PAH: variants seen among roughly 807,000 people sequenced by gnomAD.
The protein encoded by PAH is phenylalanine hydroxylase, also known as phenylalanine-4-hydroxylase.
PAH carries 64 observed loss-of-function variants against 62.0 expected under a neutral mutation model. The observed-to-expected ratio is 1.03, with a 90% confidence interval of 0.84 to 1.27. The LOEUF is 1.27. Ranked by LOEUF, PAH falls within the 50% of genes most tolerant of loss-of-function variation. PAH has a pLI of 0.00. For missense variants in PAH, 579 were observed against 542.8 expected (o/e 1.07, Z -0.66); for synonymous variants, 195 against 196.2 (o/e 0.99, Z 0.05).
intron 3 of PAH, among the ~76,000 whole-genome samples, chr12:102,880,517 C>T (rs1024307226): frequency 2.0e-5 from 3 of 152,336 alleles, no homozygotes; most frequent in East Asian, 1.9e-4. Flanking sequence ...TTCATCATCT[C>T]TCTTTTGCCT....
intron 3 of PAH, among the ~76,000 whole-genome samples, chr12:102,891,418 C>T (rs1192434554): frequency 2.0e-5 from 3 of 152,176 alleles, no homozygotes; most frequent in Non-Finnish European, 4.4e-5. Context: ...GCTGCATGAC[C>T]TCTCAGGTCA....
chr12:102,912,915 A>G lies in PAH; in HGVS notation c.61-17T>C, dbSNP rs1878260483. On this transcript the variant is annotated splice_polypyrimidine_tract_variant and intron_variant, in intron 1 of 12. Coordinates refer to ENST00000553106, the MANE Select transcript of PAH (RefSeq NM_000277.3). ...GCTTGTTTCCTACAGGATAAGATGCATTTGTTTAAAACATTTTCCACAGTT... is the reference window on the plus strand; with the variant it reads ...GCTTGTTTCCTACAGGATAAGATGCGTTTGTTTAAAACATTTTCCACAGTT... 4 of 1,534,536 alleles carry G rather than the reference A, an allele frequency of 2.6e-6. No individual in the cohort carries two copies. In the East Asian group the frequency reaches 9.0e-5, roughly 35 times the overall value.
intron 3 of PAH, among the ~76,000 whole-genome samples, chr12:102,880,345 T>C (rs1876764446): frequency 6.6e-6 from 1 of 152,202 alleles, no homozygotes; most frequent in South Asian, 2.1e-4. Flanking sequence ...CACCCAGGGC[T>C]CAGCATCTTC....
intron 7 of PAH, among the ~76,000 whole-genome samples, chr12:102,852,465 C>T (rs185339865): frequency 3.9e-5 from 6 of 152,322 alleles, no homozygotes; most frequent in Admixed American, 2.6e-4. Flanking sequence ...TAAGAGTAAT[C>T]TAGATGTATA....
intron 1 of PAH, among the ~76,000 whole-genome samples, chr12:102,927,104 C>T (rs931708616): frequency 1.1e-4 from 16 of 151,914 alleles, no homozygotes; most frequent in Non-Finnish European, 1.9e-4. Context: ...CACTTAGGGG[C>T]AGAGAAGGCT....
upstream of PAH, among the ~76,000 whole-genome samples, chr12:102,920,303 C>T (rs531472020): frequency 6.6e-6 from 1 of 152,254 alleles, no homozygotes; most frequent in Non-Finnish European, 1.5e-5. Context: ...GAGAGCAGTG[C>T]TGGGTGCTAA....
chr12:102,929,374 G>A (rs1180569897), intron 1 of PAH, among the ~76,000 whole-genome samples: 3 of 152,256 alleles, frequency 2.0e-5, no homozygotes, highest in Non-Finnish European at 2.9e-5. Context: ...GAGCAAAGTA[G>A]AAATATCTAG....
Position 102,917,155 on chromosome 12 carries a change from C to T in PAH, c.-25G>A. On this transcript the variant is annotated 5_prime_UTR_variant, in exon 1 of 13. Transcript: ENST00000553106. ...TGCTGGCTCCCCGGGAGTGAGGTCTCTGGCTTTTTAGGGCCTCAGGTACAG... is the reference window on the plus strand; with the variant it reads ...TGCTGGCTCCCCGGGAGTGAGGTCTTTGGCTTTTTAGGGCCTCAGGTACAG... 6.2e-7 allele frequency: 1 copy of T among 1,613,488 alleles called. No individual in the cohort carries two copies.
chr12:102,893,028 T>C lies in PAH; in HGVS notation c.352+1707A>G, dbSNP rs578161970. On this transcript the variant is annotated intron_variant, in intron 3 of 12. Coordinates refer to ENST00000553106, the MANE Select transcript of PAH (RefSeq NM_000277.3). ...AATGCAAGATGTTAATAGAAGAAAC[T>C]GAGGTAGGGATGAAAGACCTGGGAA... Among the ~76,000 whole-genome samples, 23 of 152,288 alleles carry C rather than the reference T, an allele frequency of 1.5e-4. No homozygotes were observed. In the South Asian group the frequency reaches 3.1e-3, roughly 21 times the overall value.
intron 1 of PAH, chr12:102,950,002 C>A (rs561593457): frequency 1.3e-5 from 2 of 152,292 alleles, no homozygotes; most frequent in East Asian, 3.9e-4. Flanking sequence ...TAGATCTGAA[C>A]AGTATTTTCT....
chr12:102,951,857 T>C (rs1033123998), upstream of PAH, among the ~76,000 whole-genome samples: 18 of 152,144 alleles, frequency 1.2e-4, 1 homozygote, highest in African/African-American at 4.3e-4. Flanking sequence ...ATTTTATCTT[T>C]ATTCCTTCTC....
chr12:102,879,293 G>A (rs1479956155), intron 3 of PAH, among the ~76,000 whole-genome samples: 3 of 151,900 alleles, frequency 2.0e-5, no homozygotes, highest in Non-Finnish European at 2.9e-5. Flanking sequence ...AAAGGGCGCC[G>A]CTCAGCGTCT....
At chr12:102,936,064 G>A in intron 1 of PAH, among the ~76,000 whole-genome samples, 1 of 151,698 alleles carries the variant, frequency 6.6e-6, no homozygotes, top group East Asian at 1.9e-4. Flanking sequence ...GTAACCCAAA[G>A]GTTTTGCTTT....
chr12:102,845,979 G>T (rs1874824519), intron 9 of PAH, among the ~76,000 whole-genome samples: 1 of 152,138 alleles, frequency 6.6e-6, no homozygotes, highest in Admixed American at 6.6e-5. Context: ...ATTCTATCTA[G>T]CTCTGTAACT....
At chr12:102,897,664 G>A (rs1877569621) in intron 2 of PAH, among the ~76,000 whole-genome samples, 1 of 152,190 alleles carries the variant, frequency 6.6e-6, no homozygotes, top group East Asian at 1.9e-4. Flanking sequence ...CTTTCTCAAA[G>A]GCAATAACTG....
chr12:102,941,832 A>G (rs1003406019), intron 1 of PAH, among the ~76,000 whole-genome samples: 1 of 152,182 alleles, frequency 6.6e-6, no homozygotes, highest in Non-Finnish European at 1.5e-5. Flanking sequence ...CAAAAACCAC[A>G]TGATCTTCTC....
intron 2 of PAH, among the ~76,000 whole-genome samples, chr12:102,908,566 A>T (rs1264677491): frequency 6.6e-6 from 1 of 152,132 alleles, no homozygotes; most frequent in East Asian, 1.9e-4. Context: ...TTAATTTTTT[A>T]AGGCAGTTTT....
chr12:102,854,194 T>C (rs958445495), intron 6 of PAH, among the ~76,000 whole-genome samples: 5 of 152,086 alleles, frequency 3.3e-5, no homozygotes, highest in Admixed American at 2.6e-4. Flanking sequence ...ACCCAAAAGG[T>C]CATCTAACTC....
exon 1 of PAH, chr12:102,958,355 CGCGGCGGCCGCAGCCGCCGCA>C (rs895519853): frequency 5.6e-6 from 8 of 1,427,008 alleles, no homozygotes; most frequent in African/African-American, 3.1e-5. Flanking sequence ...CGGCCGCAGC[CGCGGCGGCCGCAGCCGCCGCA>C]GCGGCAGCGC....
Sources: allele counts gnomAD v4.1 joint callset (sites outside exome capture counted in the v4.1 genomes callset), GRCh38; gene constraint gnomAD v4.1.1; transcripts MANE v1.5; gene names NCBI Gene and HGNC (gene_info 2026-07-23, HGNC 2026-07-21).